Variants in NEB observed in about 807,000 individuals in gnomAD.
NEB encodes the protein nebulin.
Under a neutral mutation model 952.2 loss-of-function variants are expected in NEB, and 512 were observed. The ratio of observed to expected loss-of-function variants is 0.54; its 90% CI spans 0.50 to 0.58. The LOEUF (loss-of-function observed/expected upper bound fraction) is 0.58, where lower values mean the gene tolerates loss of function less well. NEB is among the 20% of genes least tolerant of loss of function. NEB has a pLI of 0.00. For synonymous variants in NEB, 2,900 were observed against 3,149.8 expected (o/e 0.92, Z 2.66); for missense variants, 8,428 against 9,231.1 (o/e 0.91, Z 3.56).
chr2:151,547,120 G>A (rs1451510110), intron 133 of NEB, among the ~76,000 whole-genome samples: 2 of 152,166 alleles, frequency 1.3e-5, no homozygotes, highest in African/African-American at 4.8e-5. Flanking sequence ...CATGACCTGG[G>A]ATGGAGGCCA....
chr2:151,727,974 A>G (rs1277579560), intron 4 of NEB, 68 bp from the exon 5 acceptor site: 2 of 1,219,026 alleles, frequency 1.6e-6, no homozygotes, highest in Non-Finnish European at 2.4e-6. Context: ...ATCTTAGTAT[A>G]TATTAGTCTA....
intron 111 of NEB, 78 bp from the exon 112 acceptor site, chr2:151,568,495 A>G: frequency 3.4e-6 from 5 of 1,470,894 alleles, no homozygotes; most frequent in South Asian, 1.1e-5. Context: ...AATTGTTAGC[A>G]TCCATCATTT....
chr2:151,527,457 TC>T, intron 147 of NEB, 23 bp downstream of exon 147: 1 of 1,543,160 alleles, frequency 6.5e-7, no homozygotes, highest in Non-Finnish European at 8.9e-7. Context: ...GCAGTTACAA[TC>T]GTCTGTGTCT....
intron 151 of NEB, 82 bp downstream of exon 151, chr2:151,525,081 A>G: frequency 1.0e-6 from 1 of 994,924 alleles, no homozygotes; most frequent in South Asian, 1.3e-5. Flanking sequence ...TAGAGTGACC[A>G]CACACTGGAA....
At chr2:151,563,952 C>T in intron 117 of NEB, 22 bp from the exon 118 acceptor site, 2 of 1,538,510 alleles carry the variant, frequency 1.3e-6, no homozygotes, top group Non-Finnish European at 1.8e-6. Flanking sequence ...AAATACATGG[C>T]AACAAAAGTT....
Position 151,687,435 on chromosome 2 carries a change from G to A in NEB, c.2621C>T (p.Ala874Val). The A allele has an allele frequency of 6.2e-7, 1 of 1,613,198 alleles. No homozygotes were observed. The part of the protein sequence containing the change: ...DPKMLHSLKT[A>V]KNQSDREYRK... ...GACACTCACATCACTCTGGTTTTTG[G>A]CTGTCTTCAAGGAGTGCAGCATCTT... The change falls in exon 27 of 182, where the codon GCC (alanine) becomes GTC (valine). Residue 874 changes from alanine to valine, a missense_variant. Ala to Val is a moderately conservative substitution (Grantham distance 64). Around this residue, in one of 11 missense-constraint regions of NEB, gnomAD observed 2,851 missense variants for 2,791.5 expected, o/e 1.02. Coordinates refer to ENST00000397345, the MANE Select transcript of NEB (RefSeq NM_001164508.2).
chr2:151,628,319 G>T (rs540140967), intron 68 of NEB, among the ~76,000 whole-genome samples: 1 of 152,160 alleles, frequency 6.6e-6, no homozygotes, highest in Non-Finnish European at 1.5e-5. Context: ...ATCCAGCTCT[G>T]CTGGGGCACT....
intron 13 of NEB, 94 bp from the exon 14 acceptor site, chr2:151,697,742 G>A: frequency 2.4e-6 from 2 of 832,572 alleles, no homozygotes; most frequent in African/African-American, 3.4e-5. Context: ...AAAAGATGAA[G>A]AAAAGATATC....
Position 151,561,016 on chromosome 2 carries a change from A to T in NEB, c.19194T>A (p.Asn6398Lys). ...VDYDRTRNLK[N>K]LYSSNLYKEA... ...AAACTCAACTCACACTGCTGTAAAG[A>T]TTCTTCAGGTTTCTGGTTCTGTCAT... The change falls in exon 123 of 182, where the codon AAT becomes AAA. Residue 6398 changes from asparagine to lysine, a missense_variant. Physicochemically the swap from Asn to Lys is moderately conservative, Grantham distance 94. This residue lies in a region of NEB where 3,374 missense variants were observed against 3,651.5 expected (regional missense o/e 0.92). Transcript: ENST00000397345. The T allele has an allele frequency of 1.2e-6, 2 of 1,603,694 alleles. No individual in the cohort carries two copies. The highest frequency in any genetic ancestry group is 1.7e-6 in the Non-Finnish European group (2 of 1,172,154).
At position 151,667,054 on chromosome 2, in the gene NEB, C is replaced by T. The variant is rs1041308147; in HGVS notation, c.4720-653G>A. Among the ~76,000 whole-genome samples the T allele has an allele frequency of 4.6e-5, 7 of 151,394 alleles. No individual in the cohort carries two copies. The East Asian group carries it at 1.2e-3, about 25-fold the overall frequency. On this transcript the variant is annotated intron_variant, in intron 40 of 181. Transcript: ENST00000397345. ...CTTAATTTGTAAAAAAAAAAATTAA[C>T]TAAAATCCTGTTATGTAATTAACTA...
intron 13 of NEB, among the ~76,000 whole-genome samples, chr2:151,705,666 C>T (rs2099702865): frequency 6.6e-6 from 1 of 152,174 alleles, no homozygotes; most frequent in Non-Finnish European, 1.5e-5. Flanking sequence ...GATGTGGAAC[C>T]AACCTGAGGG....
intron 45 of NEB, among the ~76,000 whole-genome samples, 199 bp downstream of exon 45, chr2:151,663,349 T>C (rs539633486): frequency 1.3e-5 from 2 of 152,322 alleles, no homozygotes; most frequent in South Asian, 2.1e-4. Flanking sequence ...GCAACAATAG[T>C]AGAAAACAAG....
At chr2:151,525,032 A>G (rs1218942274) in intron 151 of NEB, 131 bp downstream of exon 151, 1 of 740,664 alleles carries the variant, frequency 1.4e-6, no homozygotes, top group South Asian at 1.6e-5. Flanking sequence ...ACCCAAACCA[A>G]TTCTCGCCAC....
At position 151,687,462 on chromosome 2, in the gene NEB, G is replaced by C; in HGVS notation, c.2594C>G (p.Pro865Arg). The change falls in exon 27 of 182, where the codon CCA becomes CGA. Residue 865 changes from proline (P) to arginine (R), a missense_variant. Pro to Arg is a moderately radical substitution (Grantham distance 103). Coordinates refer to ENST00000397345, the MANE Select transcript of NEB (RefSeq NM_001164508.2). Reference protein sequence around the residue: ...MIGALSINDDPKMLHSLKTAK... With the variant: ...MIGALSINDDRKMLHSLKTAK... Reference sequence around the variant, plus strand: ...TGTCTTCAAGGAGTGCAGCATCTTTGGATCGTCATTAATGCTGAGGGCTCC... The same window carrying C: ...TGTCTTCAAGGAGTGCAGCATCTTTCGATCGTCATTAATGCTGAGGGCTCC... 1 of 1,613,954 alleles carries C rather than the reference G, an allele frequency of 6.2e-7. No homozygotes were observed. The highest frequency in any genetic ancestry group is 8.5e-7 in the Non-Finnish European group (1 of 1,179,846).
chr2:151,549,889 T>C (rs1184692924), intron 129 of NEB, 149 bp from the exon 130 acceptor site: 4 of 605,504 alleles, frequency 6.6e-6, no homozygotes, highest in Non-Finnish European at 1.2e-5. Context: ...GAGAATTAAA[T>C]ACATTCTAAG....
At chr2:151,526,593 A>C (rs2086194583) in intron 148 of NEB, among the ~76,000 whole-genome samples, 1 of 152,204 alleles carries the variant, frequency 6.6e-6, no homozygotes, top group African/African-American at 2.4e-5. Context: ...ACTGTAGTGA[A>C]GGGAAAGTAT....
chr2:151,734,001 T>C (rs901954829), intron 1 of NEB, among the ~76,000 whole-genome samples: 3 of 152,176 alleles, frequency 2.0e-5, no homozygotes, highest in African/African-American at 7.2e-5. Context: ...TGTAAACCAA[T>C]ACCCTGCAGT....
chr2:151,670,983 G>A (rs762444626), intron 38 of NEB, 40 bp downstream of exon 38: 7 of 1,574,944 alleles, frequency 4.4e-6, no homozygotes, highest in Non-Finnish European at 5.2e-6. Flanking sequence ...GACACGTGTG[G>A]TTATTTACGG....
At chr2:151,525,395 TAG>T (rs1559537484) in intron 150 of NEB, 122 bp from the exon 151 acceptor site, 15 of 692,700 alleles carry the variant, frequency 2.2e-5, no homozygotes, top group Non-Finnish European at 1.2e-5. Context: ...GTCTGGGACT[TAG>T]ATAAGACCCA....
Sources: allele counts gnomAD v4.1 joint callset (sites outside exome capture counted in the v4.1 genomes callset), GRCh38; gene constraint gnomAD v4.1.1; regional missense constraint gnomAD v4.1.1; transcripts MANE v1.5; gene names NCBI Gene and HGNC (gene_info 2026-07-23, HGNC 2026-07-21).